Variants in ATP6V1G3 observed in about 807,000 individuals in gnomAD.
The protein encoded by ATP6V1G3 is ATPase H+ transporting V1 subunit G3, also known as V-type proton ATPase subunit G 3.
In ATP6V1G3, 9 loss-of-function variants were observed where a neutral mutation model predicts 9.3. That is an observed-to-expected ratio of 0.97 (90% CI 0.59 to 1.69). The LOEUF is 1.69. ATP6V1G3 is among the 40% of genes most tolerant of loss of function. The pLI is 0.00. For missense variants in ATP6V1G3, 133 were observed against 139.0 expected (o/e 0.96, Z 0.22); for synonymous variants, 43 against 43.8 (o/e 0.98, Z 0.07).
intron 1 of ATP6V1G3, among the ~76,000 whole-genome samples, chr1:198,537,497 C>T (rs889299153): frequency 1.3e-5 from 2 of 152,054 alleles, no homozygotes; most frequent in Non-Finnish European, 2.9e-5. Flanking sequence ...GAGAGTCTTG[C>T]AAATAAATGG....
intron 1 of ATP6V1G3, among the ~76,000 whole-genome samples, chr1:198,539,247 TCTGA>T (rs1250484849): frequency 6.6e-6 from 1 of 152,190 alleles, no homozygotes; most frequent in African/African-American, 2.4e-5. Flanking sequence ...CTGCCTTATT[TCTGA>T]CTGACTTTCT....
intron 2 of ATP6V1G3, among the ~76,000 whole-genome samples, chr1:198,523,937 A>G (rs1659551444): frequency 6.6e-6 from 1 of 152,158 alleles, no homozygotes; most frequent in Admixed American, 6.6e-5. Flanking sequence ...ATAAGTCTGG[A>G]AAACAGAGTT....
Position 198,536,253 on chromosome 1 carries a change from G to A in ATP6V1G3, c.82+4316C>T, listed in dbSNP as rs530914563. ...TTTTAAAAGTTTGCAATGGGTGTAAGTGAAGTAAATACTTCTCTTAAAAAA... is the reference window on the plus strand; with the variant it reads ...TTTTAAAAGTTTGCAATGGGTGTAAATGAAGTAAATACTTCTCTTAAAAAA... On this transcript the variant is annotated intron_variant, in intron 1 of 2. Transcript: ENST00000367382. 4.6e-5 allele frequency among the ~76,000 whole-genome samples: 7 copies of A among 152,296 alleles called. No homozygotes were observed. In the East Asian group the frequency reaches 9.6e-4, roughly 21 times the overall value.
chr1:198,527,633 A>G (rs1380747215), intron 2 of ATP6V1G3, among the ~76,000 whole-genome samples: 1 of 152,160 alleles, frequency 6.6e-6, no homozygotes, highest in Non-Finnish European at 1.5e-5. Context: ...AAGAAAGAAA[A>G]TCAAAGAAAA....
intron 2 of ATP6V1G3, 53 bp from the exon 3 acceptor site, chr1:198,523,617 T>C: frequency 6.5e-7 from 1 of 1,545,210 alleles, no homozygotes; most frequent in Admixed American, 1.8e-5. Context: ...GTTTTACAAG[T>C]TAAATTTGTC....
intron 2 of ATP6V1G3, among the ~76,000 whole-genome samples, chr1:198,527,350 G>T (rs369671321): frequency 6.6e-6 from 1 of 152,164 alleles, no homozygotes. Context: ...AATTATGAGA[G>T]AGATGAGGAG....
At chr1:198,525,017 G>A (rs1659599712) in intron 2 of ATP6V1G3, among the ~76,000 whole-genome samples, 1 of 152,162 alleles carries the variant, frequency 6.6e-6, no homozygotes, top group Non-Finnish European at 1.5e-5. Flanking sequence ...AGGCAATGGG[G>A]TCTTCTCAGT....
chr1:198,527,587 A>C (rs1659706285), intron 2 of ATP6V1G3, among the ~76,000 whole-genome samples: 1 of 152,168 alleles, frequency 6.6e-6, no homozygotes, highest in Non-Finnish European at 1.5e-5. Context: ...TTGTTTTCTC[A>C]GGTCCTAATA....
At chr1:198,540,117 T>A (rs1660287872) in intron 1 of ATP6V1G3, among the ~76,000 whole-genome samples, 1 of 152,076 alleles carries the variant, frequency 6.6e-6, no homozygotes, top group African/African-American at 2.4e-5. Flanking sequence ...GAAAATATTT[T>A]AAAATATTAG....
At chr1:198,523,613 C>T (rs1302943390) in intron 2 of ATP6V1G3, 49 bp from the exon 3 acceptor site, 1 of 1,555,804 alleles carries the variant, frequency 6.4e-7, no homozygotes, top group African/African-American at 1.4e-5. Flanking sequence ...AATTGTTTTA[C>T]AAGTTAAATT....
At chr1:198,540,718 A>C (rs1174372449), upstream of ATP6V1G3, 23 of 1,422,598 alleles carry the variant, frequency 1.6e-5, no homozygotes, top group Non-Finnish European at 2.3e-5. Context: ...ATTCTTTTAG[A>C]AATTAACATA....
At chr1:198,535,162 T>C (rs2103141620) in intron 1 of ATP6V1G3, among the ~76,000 whole-genome samples, 1 of 152,288 alleles carries the variant, frequency 6.6e-6, no homozygotes, top group East Asian at 1.9e-4. Context: ...ATTACCCACC[T>C]GAAGAAATGA....
At chr1:198,538,728 A>AC (rs34237380) in intron 1 of ATP6V1G3, among the ~76,000 whole-genome samples, 54,479 of 151,082 alleles carry the variant, frequency 0.36, 11,645 homozygotes, top group African/African-American at 0.59. Flanking sequence ...ACATGGCGAA[A>AC]CCCCGTCTCT....
At position 198,529,003 on chromosome 1, in the gene ATP6V1G3, A is replaced by G. The variant is rs1659776368; in HGVS notation, c.183+78T>C. 3 of 602,606 alleles carry G rather than the reference A, an allele frequency of 5.0e-6. No homozygotes were observed. In the East Asian group the frequency reaches 1.3e-4, roughly 25 times the overall value. 37.3% of individuals were successfully genotyped at this position (602,606 alleles called of 1,614,324 possible). On this transcript the variant is annotated intron_variant, in intron 2 of 2. Coordinates refer to ENST00000367382, the MANE Select transcript of ATP6V1G3 (RefSeq NM_001376861.1). ...CAATTGCAGCATATTTTTTTCTGTC[A>G]ATATCCTATATTAAACCTTATAAAT...
intron 2 of ATP6V1G3, among the ~76,000 whole-genome samples, chr1:198,528,042 G>A (rs1181178369): frequency 2.0e-5 from 3 of 152,098 alleles, no homozygotes; most frequent in African/African-American, 7.2e-5. Context: ...GACCAATATG[G>A]CTAGAACAGA....
Position 198,540,562 on chromosome 1 carries a change from G to C in ATP6V1G3, c.82+7C>G, listed in dbSNP as rs1660305081. 5 of 1,612,886 alleles carry C rather than the reference G, an allele frequency of 3.1e-6. No homozygotes were observed. Among genetic ancestry groups the C allele is most frequent in the South Asian group, 1.1e-5 (1 of 91,052 alleles). On this transcript the variant is annotated splice_region_variant and intron_variant, in intron 1 of 2. Transcript: ENST00000367382. ...TTCGTGACAGACCCCTCACAGGTGA[G>C]ACTTACTCTTCTTGGCTTCCTCTAG...
intron 1 of ATP6V1G3, among the ~76,000 whole-genome samples, chr1:198,529,859 GT>G (rs1384634038): frequency 6.6e-6 from 1 of 151,942 alleles, no homozygotes; most frequent in Admixed American, 6.6e-5. Flanking sequence ...AGGAGATTTA[GT>G]TAAGTAGCCT....
At chr1:198,535,858 G>C (rs189357544) in intron 1 of ATP6V1G3, among the ~76,000 whole-genome samples, 2 of 152,232 alleles carry the variant, frequency 1.3e-5, no homozygotes, top group Admixed American at 1.3e-4. Flanking sequence ...GCAGCTGTAG[G>C]GGGTGAGTAC....
intron 1 of ATP6V1G3, among the ~76,000 whole-genome samples, chr1:198,535,957 C>T (rs1462648425): frequency 2.0e-5 from 3 of 151,852 alleles, no homozygotes; most frequent in African/African-American, 7.3e-5. Flanking sequence ...TTTAATATAG[C>T]TATTTGTTCC....
Sources: gnomAD v4.1 joint callset for allele counts (sites outside exome capture counted in the v4.1 genomes callset) on GRCh38, gnomAD v4.1.1 for gene constraint, MANE v1.5 for transcripts, NCBI Gene and HGNC (gene_info 2026-07-23, HGNC 2026-07-21) for gene names.